The following ZBTB37 variants were observed in gnomAD, a reference collection of about 807,000 sequenced individuals.
ZBTB37 encodes the protein zinc finger and BTB domain-containing protein 37.
ZBTB37 carries 15 observed loss-of-function variants against 37.7 expected under a neutral mutation model. The ratio of observed to expected loss-of-function variants is 0.40; its 90% CI spans 0.27 to 0.61. The LOEUF is 0.61. ZBTB37 is among the 20% of genes least tolerant of loss of function. ZBTB37 has a pLI of 0.44. For missense variants in ZBTB37, 514 were observed against 641.9 expected (o/e 0.80, Z 2.15); for synonymous variants, 231 against 220.6 (o/e 1.05, Z -0.42).
exon 3 of ZBTB37, chr1:173,870,313 C>T (rs760163928): frequency 4.3e-6 from 7 of 1,614,164 alleles, no homozygotes; most frequent in South Asian, 2.2e-5. Flanking sequence ...CATGCAGGGC[C>T]GTCTCTGTGA....
At chr1:173,891,690 G>T (rs1485463531) in exon 4 of ZBTB37, 1 of 152,168 alleles carries the variant, frequency 6.6e-6, no homozygotes, top group African/African-American at 2.4e-5. Context: ...CTACTTGGGA[G>T]ACTGAGCTGA....
chr1:173,900,309 C>G (rs543141103), exon 4 of ZBTB37: 18 of 152,264 alleles, frequency 1.2e-4, no homozygotes, highest in African/African-American at 3.4e-4. Flanking sequence ...GATCTTTCTT[C>G]TGGGATGTCA....
At chr1:173,875,873 G>T (rs1016300668) in intron 4 of ZBTB37, among the ~76,000 whole-genome samples, 1 of 151,916 alleles carries the variant, frequency 6.6e-6, no homozygotes, top group African/African-American at 2.4e-5. Context: ...TGCCCAGGCT[G>T]GTCTCAAACT....
rs532372454 is a variant in ZBTB37, at chr1:173,902,994, C to G, written c.*16870C>G. 16 of 152,290 alleles carry G rather than the reference C, an allele frequency of 1.1e-4. No individual in the cohort carries two copies. In the East Asian group the frequency reaches 3.1e-3, roughly 29 times the overall value. The allele number at this position is 152,290 out of a possible 1,614,324, so 9.4% of individuals were successfully genotyped here. A position where few individuals can be genotyped will look rare whatever the true frequency, so the allele number is the denominator to read the frequency against. ...TACCTAAGATTATTTTCACAGCTAC[C>G]AATTTGTCAGAAACTTTGGTGGTGT... On this transcript the variant is annotated 3_prime_UTR_variant, in exon 4 of 4. Coordinates refer to the ZBTB37 transcript ENST00000367701.
intron 4 of ZBTB37, among the ~76,000 whole-genome samples, chr1:173,877,404 C>A (rs1656044549): frequency 8.6e-6 from 1 of 116,536 alleles, no homozygotes; most frequent in Admixed American, 1.2e-4. Context: ...TTTTCCGAGA[C>A]AGGATCTCAC....
chr1:173,885,672 G>A, exon 5 of ZBTB37: 2 of 1,552,198 alleles, frequency 1.3e-6, no homozygotes, highest in Admixed American at 2.0e-5. Context: ...AAGTGGCTAT[G>A]TGGAGTATCT....
At chr1:173,883,048 T>C (rs1656424235) in intron 4 of ZBTB37, among the ~76,000 whole-genome samples, 1 of 152,222 alleles carries the variant, frequency 6.6e-6, no homozygotes. Flanking sequence ...ACTAACCTGC[T>C]CCAAGTCACA....
At chr1:173,873,360 T>C (rs1655697420) in intron 3 of ZBTB37, 107 bp from the exon 4 acceptor site, 1 of 1,174,424 alleles carries the variant, frequency 8.5e-7, no homozygotes, top group Non-Finnish European at 1.2e-6. Context: ...GTTGCTTGGT[T>C]TGTTCCCCCT....
chr1:173,871,176 A>C, intron 3 of ZBTB37, 28 bp downstream of exon 3: 1 of 1,548,324 alleles, frequency 6.5e-7, no homozygotes, highest in Non-Finnish European at 8.7e-7. Flanking sequence ...TGGTTTTCCC[A>C]TGTAATGGCT....
At chr1:173,885,636 G>T in exon 5 of ZBTB37, 4 of 1,549,990 alleles carry the variant, frequency 2.6e-6, no homozygotes, top group Non-Finnish European at 2.6e-6. Context: ...CCTGGTACAG[G>T]TAGAAGAGTC....
chr1:173,903,124 C>T (rs1428271646), exon 4 of ZBTB37: 1 of 152,030 alleles, frequency 6.6e-6, no homozygotes, highest in Non-Finnish European at 1.5e-5. Context: ...ATTTGTTCTC[C>T]CTTCATTTGA....
exon 5 of ZBTB37, chr1:173,886,152 C>T (rs1244640565): frequency 2.6e-6 from 4 of 1,536,188 alleles, no homozygotes; most frequent in South Asian, 1.2e-5. Context: ...GGCTGACCCT[C>T]TTCCCCTATG....
exon 4 of ZBTB37, chr1:173,895,487 A>G (rs1245239425): frequency 6.6e-6 from 1 of 152,224 alleles, no homozygotes; most frequent in East Asian, 1.9e-4. Context: ...CTCTTGTGGT[A>G]TGGAAACATT....
At chr1:173,868,647 C>T (rs1033463758) in intron 1 of ZBTB37, 2 of 152,536 alleles carry the variant, frequency 1.3e-5, no homozygotes, top group African/African-American at 4.8e-5. Context: ...CCCCCTCCCC[C>T]ACCGCAGCCG....
At chr1:173,877,373 CTTTTT>C (rs58043559) in intron 4 of ZBTB37, among the ~76,000 whole-genome samples, 1 of 87,778 alleles carries the variant, frequency 1.1e-5, no homozygotes, top group African/African-American at 3.9e-5. Context: ...GATTTTCTTT[CTTTTT>C]TTTTTTTTTT....
intron 4 of ZBTB37, among the ~76,000 whole-genome samples, chr1:173,881,793 A>G (rs1175421217): frequency 1.3e-5 from 2 of 152,074 alleles, no homozygotes; most frequent in East Asian, 3.9e-4. Flanking sequence ...GGTGGCTCAC[A>G]CCTGCAATCC....
chr1:173,885,738 A>G lies in ZBTB37; in HGVS notation c.1126A>G (p.Ile376Val), dbSNP rs1169066635. Residue 376 changes from isoleucine to valine, a missense_variant, in exon 5 of 5, where the codon ATC becomes GTC. Physicochemically the swap from Ile to Val is conservative, Grantham distance 29. Coordinates refer to ENST00000427304, the Ensembl canonical transcript of ZBTB37. ...CCGGTACAACCCTCGTCTCACCTGC[A>G]TCTATTGCGCCAAATCTTTCAACCA... 1 of 1,551,660 alleles carries G rather than the reference A, an allele frequency of 6.4e-7. No individual in the cohort carries two copies. Among genetic ancestry groups the G allele is most frequent in the East Asian group, 2.4e-5 (1 of 40,910 alleles).
At chr1:173,897,803 A>G (rs1441554594) in exon 4 of ZBTB37, 1 of 152,242 alleles carries the variant, frequency 6.6e-6, no homozygotes, top group Admixed American at 6.5e-5. Flanking sequence ...AAGAAAGAGT[A>G]TAGCTTTCTG....
At chr1:173,868,101 C>T (rs1260611001), upstream of ZBTB37, 1 of 167,540 alleles carries the variant, frequency 6.0e-6, no homozygotes, top group Admixed American at 6.1e-5. Context: ...CAATCTTCCT[C>T]TCATCCAGTA....
Sources: gnomAD v4.1 joint callset for allele counts (sites outside exome capture counted in the v4.1 genomes callset) on GRCh38, gnomAD v4.1.1 for gene constraint, MANE v1.5 for transcripts, NCBI Gene and HGNC (gene_info 2026-07-23, HGNC 2026-07-21) for gene names.